CPQ: variants seen among roughly 807,000 people sequenced by gnomAD.
CPQ encodes the protein carboxypeptidase Q, also known as Ser-Met dipeptidase.
In CPQ, 37 loss-of-function variants were observed where a neutral mutation model predicts 45.7. That is an observed-to-expected ratio of 0.81 (90% confidence interval 0.62 to 1.07). CPQ has a LOEUF of 1.07. Among genes scored for constraint, CPQ ranks in the 50% least tolerant of loss-of-function variants. The pLI is 0.00. For synonymous variants in CPQ, 186 were observed against 205.8 expected (o/e 0.90, Z 0.82); for missense variants, 537 against 572.9 (o/e 0.94, Z 0.64).
chr8:97,049,167 T>C (rs138635901), intron 6 of CPQ, among the ~76,000 whole-genome samples: 27 of 152,350 alleles, frequency 1.8e-4, no homozygotes, highest in African/African-American at 6.5e-4. Context: ...TTCTGGACTT[T>C]ATAATATTGA....
At chr8:96,690,931 C>T (rs186596918) in intron 1 of CPQ, among the ~76,000 whole-genome samples, 3 of 152,242 alleles carry the variant, frequency 2.0e-5, no homozygotes, top group Admixed American at 2.0e-4. Flanking sequence ...AACTGGCAAC[C>T]CAAATCCAAG....
intron 3 of CPQ, among the ~76,000 whole-genome samples, chr8:96,858,010 A>G (rs1204582712): frequency 6.6e-6 from 1 of 152,180 alleles, no homozygotes; most frequent in Non-Finnish European, 1.5e-5. Context: ...AATCATAAAC[A>G]TGTTTGGAGC....
At chr8:96,958,706 A>C in intron 4 of CPQ, among the ~76,000 whole-genome samples, 1 of 152,140 alleles carries the variant, frequency 6.6e-6, no homozygotes, top group Non-Finnish European at 1.5e-5. Flanking sequence ...GTCTAGTAAC[A>C]TGCTCACAGC....
chr8:96,766,159 T>C (rs1810465162), intron 1 of CPQ, among the ~76,000 whole-genome samples: 1 of 152,140 alleles, frequency 6.6e-6, no homozygotes, highest in Non-Finnish European at 1.5e-5. Context: ...CTTTTGAGGA[T>C]TGAATCAGAT....
intron 1 of CPQ, among the ~76,000 whole-genome samples, chr8:96,710,071 G>A (rs1563475569): frequency 6.6e-6 from 1 of 152,056 alleles, no homozygotes; most frequent in Non-Finnish European, 1.5e-5. Flanking sequence ...GTTACTGCTT[G>A]TTATTTGTTT....
At chr8:97,076,415 C>A (rs549832228) in intron 7 of CPQ, among the ~76,000 whole-genome samples, 1 of 151,846 alleles carries the variant, frequency 6.6e-6, no homozygotes, top group Admixed American at 6.6e-5. Flanking sequence ...AATATATGGC[C>A]AGTTTTCAAA....
chr8:96,651,756 T>C (rs1206708710), intron 1 of CPQ, among the ~76,000 whole-genome samples: 1 of 152,162 alleles, frequency 6.6e-6, no homozygotes, highest in East Asian at 1.9e-4. Flanking sequence ...GTACATGATA[T>C]ATATTGGGAT....
chr8:97,038,818 G>T (rs1374657127), intron 6 of CPQ, among the ~76,000 whole-genome samples: 15 of 62,700 alleles, frequency 2.4e-4, no homozygotes, highest in East Asian at 9.3e-4. Context: ...CAAAAAAACC[G>T]TATTTACAAA....
At chr8:96,890,200 C>T (rs1034684556) in intron 4 of CPQ, among the ~76,000 whole-genome samples, 2 of 152,184 alleles carry the variant, frequency 1.3e-5, no homozygotes, top group African/African-American at 4.8e-5. Flanking sequence ...ACTCTTACGT[C>T]ACATGACAAA....
At chr8:96,898,874 C>A (rs754918034) in intron 4 of CPQ, among the ~76,000 whole-genome samples, 3 of 151,320 alleles carry the variant, frequency 2.0e-5, no homozygotes, top group Non-Finnish European at 4.4e-5. Flanking sequence ...GGGTGGTAGT[C>A]TATAAAGGAA....
chr8:97,089,726 C>G (rs1465378289), intron 7 of CPQ, among the ~76,000 whole-genome samples: 1 of 152,146 alleles, frequency 6.6e-6, no homozygotes, highest in African/African-American at 2.4e-5. Flanking sequence ...GTATTGAACT[C>G]AACCTAGGAT....
chr8:96,705,234 A>C (rs570911145), intron 1 of CPQ, among the ~76,000 whole-genome samples: 94 of 152,266 alleles, frequency 6.2e-4, no homozygotes, highest in Non-Finnish European at 1.1e-3. Context: ...TATTTTAATC[A>C]CTTATTTTCT....
chr8:96,912,387 A>G (rs1812676149), intron 4 of CPQ, among the ~76,000 whole-genome samples: 2 of 152,150 alleles, frequency 1.3e-5, no homozygotes, highest in African/African-American at 4.8e-5. Flanking sequence ...TATATCCTCT[A>G]TGTGCCAAAT....
At chr8:96,858,227 A>G (rs1276343196) in intron 3 of CPQ, among the ~76,000 whole-genome samples, 4 of 152,260 alleles carry the variant, frequency 2.6e-5, no homozygotes, top group Non-Finnish European at 4.4e-5. Flanking sequence ...CCTGGGGGGA[A>G]TCCAGGCCTT....
intron 5 of CPQ, among the ~76,000 whole-genome samples, chr8:96,974,925 A>G (rs1813749074): frequency 6.6e-6 from 1 of 152,164 alleles, no homozygotes; most frequent in Non-Finnish European, 1.5e-5. Flanking sequence ...AAGAGAACCA[A>G]TAGACAACCT....
At chr8:96,968,926 A>ATACTT (rs1227863834) in intron 5 of CPQ, among the ~76,000 whole-genome samples, 2 of 152,226 alleles carry the variant, frequency 1.3e-5, no homozygotes, top group East Asian at 1.9e-4. Context: ...GCGTCGTTGA[A>ATACTT]TACTTTTCTG....
At chr8:97,058,474 A>T (rs1244896970) in intron 6 of CPQ, among the ~76,000 whole-genome samples, 1 of 152,152 alleles carries the variant, frequency 6.6e-6, no homozygotes, top group African/African-American at 2.4e-5. Flanking sequence ...TTTATTTAGC[A>T]TGTCACAGTG....
At chr8:96,954,812 G>T (rs1186342444) in intron 4 of CPQ, among the ~76,000 whole-genome samples, 1 of 151,560 alleles carries the variant, frequency 6.6e-6, no homozygotes, top group Non-Finnish European at 1.5e-5. Flanking sequence ...TGTTCTCATT[G>T]TTCAATTCCC....
intron 1 of CPQ, among the ~76,000 whole-genome samples, chr8:96,662,744 A>G (rs1268858933): frequency 1.3e-5 from 2 of 152,210 alleles, no homozygotes; most frequent in African/African-American, 4.8e-5. Context: ...ATACAATCCC[A>G]GCACTTTGAG....
Sources: allele counts gnomAD v4.1 joint callset (sites outside exome capture counted in the v4.1 genomes callset), GRCh38; gene constraint gnomAD v4.1.1; transcripts MANE v1.5; gene names NCBI Gene and HGNC (gene_info 2026-07-23, HGNC 2026-07-21).